SLC16A6: variants seen among roughly 807,000 people sequenced by gnomAD.
SLC16A6 encodes monocarboxylate transporter 7.
In SLC16A6, 15 loss-of-function variants were observed where a neutral mutation model predicts 33.8. That is an observed-to-expected ratio of 0.44 (90% CI 0.30 to 0.68). The LOEUF is 0.68. Among genes scored for constraint, SLC16A6 ranks in the 30% least tolerant of loss-of-function variants. The pLI is 0.10. For missense variants in SLC16A6, 451 were observed against 661.5 expected, an observed-to-expected ratio of 0.68 and a Z score of 3.49; for synonymous variants, 219 against 248.4, an observed-to-expected ratio of 0.88 and a Z score of 1.11.
At chr17:68,270,615 C>T (rs1448961975) in intron 5 of SLC16A6, among the ~76,000 whole-genome samples, 6 of 151,698 alleles carry the variant, frequency 4.0e-5, no homozygotes, top group East Asian at 1.9e-4. Flanking sequence ...AGTCCTGAAT[C>T]GACCACTAAT....
chr17:68,272,374 T>G (rs2075371108), intron 4 of SLC16A6, among the ~76,000 whole-genome samples: 1 of 152,214 alleles, frequency 6.6e-6, no homozygotes. Context: ...TACTAGATTA[T>G]TCTGGAATGC....
intron 1 of SLC16A6, among the ~76,000 whole-genome samples, chr17:68,284,812 T>C (rs2145157518): frequency 6.6e-6 from 1 of 152,336 alleles, no homozygotes; most frequent in East Asian, 1.9e-4. Flanking sequence ...AGGCATAAGA[T>C]GCTGTAAGAT....
chr17:68,291,351 C>G (rs1339788826), upstream of SLC16A6: 1 of 150,026 alleles, frequency 6.7e-6, no homozygotes, highest in Admixed American at 6.6e-5. Context: ...TGCTGCCGCC[C>G]GCGCCCCGGC....
At position 68,269,001 on chromosome 17, in the gene SLC16A6, G is replaced by A; in HGVS notation, c.*95C>T. ...TTTAAAATGTAGTTTTGAAAGTGGA[G>A]TAGAGGGGTTAGCTCCTCTGCCTCC... On this transcript the variant is annotated 3_prime_UTR_variant, in exon 6 of 6. Transcript: ENST00000580666. 6.4e-7 allele frequency: 1 copy of A among 1,561,496 alleles called. No individual in the cohort carries two copies.
intron 1 of SLC16A6, among the ~76,000 whole-genome samples, chr17:68,279,442 T>G (rs1802769531): frequency 6.6e-6 from 1 of 152,188 alleles, no homozygotes; most frequent in Non-Finnish European, 1.5e-5. Context: ...TTCTGTCTTC[T>G]GGGAGTTTGT....
chr17:68,269,758 C>G (rs1433690826), intron 5 of SLC16A6, among the ~76,000 whole-genome samples: 1 of 143,162 alleles, frequency 7.0e-6, no homozygotes, highest in Non-Finnish European at 1.5e-5. Context: ...ACTGCAACCT[C>G]TGCCTCCCAG....
intron 5 of SLC16A6, among the ~76,000 whole-genome samples, chr17:68,269,673 G>GTTTT (rs782421181): frequency 1.3e-5 from 1 of 77,912 alleles, no homozygotes; most frequent in African/African-American, 7.5e-5. Context: ...TTCACTTTAG[G>GTTTT]TTTTTTTTTT....
chr17:68,269,681 T>TTTTTTTTTG (rs2075271171), intron 5 of SLC16A6, among the ~76,000 whole-genome samples: 3 of 145,578 alleles, frequency 2.1e-5, no homozygotes, highest in African/African-American at 7.8e-5. Context: ...AGGTTTTTTT[T>TTTTTTTTTG]TTTTTTTTTT....
upstream of SLC16A6, chr17:68,291,299 C>T (rs2075978212): frequency 6.9e-6 from 1 of 145,410 alleles, no homozygotes; most frequent in Admixed American, 6.7e-5. Context: ...CCACACCCTC[C>T]CCCCGCCCCC....
intron 1 of SLC16A6, among the ~76,000 whole-genome samples, chr17:68,286,629 C>T (rs574717052): frequency 1.1e-4 from 16 of 152,174 alleles, no homozygotes; most frequent in Admixed American, 7.8e-4. Flanking sequence ...CTCAGCCTCC[C>T]GAGTAGCTGG....
chr17:68,285,453 C>T (rs2075819416), intron 1 of SLC16A6: 1 of 152,310 alleles, frequency 6.6e-6, no homozygotes, highest in Admixed American at 6.6e-5. Flanking sequence ...GGTGGATTGC[C>T]TTAGGTCAGG....
chr17:68,272,472 G>T (rs781838230), intron 4 of SLC16A6, among the ~76,000 whole-genome samples, 167 bp downstream of exon 4: 3 of 152,176 alleles, frequency 2.0e-5, no homozygotes, highest in Non-Finnish European at 4.4e-5. Flanking sequence ...TAAAGTGGGG[G>T]TTAGGGAGGA....
chr17:68,290,341 G>A (rs544683866), intron 1 of SLC16A6, among the ~76,000 whole-genome samples: 65 of 152,336 alleles, frequency 4.3e-4, no homozygotes, highest in African/African-American at 1.2e-3. Context: ...AAAAAGAAAA[G>A]ACGACAACAA....
intron 1 of SLC16A6, among the ~76,000 whole-genome samples, chr17:68,283,358 A>G (rs1218688371): frequency 6.6e-6 from 1 of 152,004 alleles, no homozygotes; most frequent in African/African-American, 2.4e-5. Context: ...GTCTCTACTA[A>G]AAATACAAAA....
At position 68,278,112 on chromosome 17, in the gene SLC16A6, C is replaced by G. The variant is rs782776397; in HGVS notation, c.209G>C (p.Cys70Ser). The change falls in exon 2 of 6, where the codon TGT becomes TCT. Residue 70 changes from cysteine to serine, a missense_variant. By Grantham distance (112) the Cys-to-Ser change is moderately radical. Around this residue, in one of 2 missense-constraint regions of SLC16A6, gnomAD observed 405 missense variants for 510.7 expected, o/e 0.79. Coordinates refer to ENST00000580666, the MANE Select transcript of SLC16A6 (RefSeq NM_004694.5). ...ACCTGAAAATGTTAAGACAAACACA[C>G]AGATTGAGATTATCCATGAGATCCT... ...NSRISWIISICVFVLTFSAPL... is the reference protein window; with the variant it reads ...NSRISWIISISVFVLTFSAPL... 2 of 1,613,750 alleles carry G rather than the reference C, an allele frequency of 1.2e-6. No homozygotes were observed. The highest frequency in any genetic ancestry group is 1.7e-5 in the Admixed American group (1 of 60,008).
chr17:68,283,280 G>A (rs1286728259), intron 1 of SLC16A6, among the ~76,000 whole-genome samples: 1 of 151,236 alleles, frequency 6.6e-6, no homozygotes, highest in Non-Finnish European at 1.5e-5. Context: ...TAACACTTTG[G>A]GAGGCCGAGG....
chr17:68,288,754 T>C (rs1241531026), intron 1 of SLC16A6, among the ~76,000 whole-genome samples: 1 of 152,162 alleles, frequency 6.6e-6, no homozygotes, highest in Non-Finnish European at 1.5e-5. Context: ...GGCCGAAGAG[T>C]TGGTCTTCTT....
chr17:68,283,330 C>A (rs2075756575), intron 1 of SLC16A6, among the ~76,000 whole-genome samples: 2 of 151,744 alleles, frequency 1.3e-5, no homozygotes, highest in Non-Finnish European at 2.9e-5. Context: ...ACCATTCTGG[C>A]AAACACGATG....
At chr17:68,281,938 T>C (rs1030797370) in intron 1 of SLC16A6, among the ~76,000 whole-genome samples, 20 of 152,190 alleles carry the variant, frequency 1.3e-4, no homozygotes, top group Non-Finnish European at 2.9e-4. Context: ...TGGAAGACAG[T>C]GTGGCAATTC....
Sources: gnomAD v4.1 joint callset for allele counts (sites outside exome capture counted in the v4.1 genomes callset) on GRCh38, gnomAD v4.1.1 for gene constraint, gnomAD v4.1.1 regional missense constraint, MANE v1.5 for transcripts, NCBI Gene and HGNC (gene_info 2026-07-23, HGNC 2026-07-21) for gene names.